Variants in GLDC observed in about 807,000 individuals in gnomAD.
The protein encoded by GLDC is glycine dehydrogenase (decarboxylating), mitochondrial.
In GLDC, 104 loss-of-function variants were observed where a neutral mutation model predicts 121.3. That is an observed-to-expected ratio of 0.86 (90% CI 0.73 to 1.01). The LOEUF (loss-of-function observed/expected upper bound fraction) is 1.01, where lower values mean the gene tolerates loss of function less well. GLDC is among the 50% of genes least tolerant of loss of function. The probability of loss-of-function intolerance (pLI) is 0.00; values close to 1 mark genes in which losing one functional copy is unlikely to be tolerated. For synonymous variants in GLDC, 546 were observed against 480.6 expected, an observed-to-expected ratio of 1.14 and a Z score of -1.78; for missense variants, 1,429 against 1,306.6, an observed-to-expected ratio of 1.09 and a Z score of -1.44.
At chr9:6,584,660 G>T (rs1224368389) in intron 15 of GLDC, among the ~76,000 whole-genome samples, 4 of 152,188 alleles carry the variant, frequency 2.6e-5, no homozygotes, top group Non-Finnish European at 5.9e-5. Context: ...TCTCAACAAA[G>T]AATAAGGCAT....
At chr9:6,583,809 G>C (rs1399707210) in intron 15 of GLDC, among the ~76,000 whole-genome samples, 1 of 152,214 alleles carries the variant, frequency 6.6e-6, no homozygotes, top group African/African-American at 2.4e-5. Flanking sequence ...GGTTCCTAAA[G>C]TAGTCAAATT....
At chr9:6,548,578 A>G (rs1054253271) in intron 21 of GLDC, among the ~76,000 whole-genome samples, 4 of 152,210 alleles carry the variant, frequency 2.6e-5, no homozygotes, top group African/African-American at 4.8e-5. Context: ...TTTATAAGGT[A>G]AGACCAGCCA....
chr9:6,640,562 G>T (rs73639340), intron 2 of GLDC, among the ~76,000 whole-genome samples: 365 of 152,348 alleles, frequency 2.4e-3, no homozygotes, highest in African/African-American at 8.5e-3. Flanking sequence ...GGAACATTCA[G>T]CTGGCACAAG....
chr9:6,598,130 G>C (rs1818527614), intron 8 of GLDC, among the ~76,000 whole-genome samples: 1 of 152,186 alleles, frequency 6.6e-6, no homozygotes, highest in African/African-American at 2.4e-5. Context: ...CCCAGCTCAA[G>C]CACTCCTACC....
chr9:6,585,832 C>T (rs1335944876), intron 15 of GLDC, among the ~76,000 whole-genome samples: 1 of 148,092 alleles, frequency 6.8e-6, no homozygotes, highest in Non-Finnish European at 1.5e-5. Flanking sequence ...TATCATTCAT[C>T]TATGTATGTA....
chr9:6,544,505 G>A (rs1247664518), intron 21 of GLDC, among the ~76,000 whole-genome samples: 2 of 152,156 alleles, frequency 1.3e-5, no homozygotes, highest in African/African-American at 2.4e-5. Flanking sequence ...TCAGCCGAGT[G>A]CAGTGGCGGG....
At chr9:6,564,583 G>T (rs995935820) in intron 16 of GLDC, among the ~76,000 whole-genome samples, 10 of 152,176 alleles carry the variant, frequency 6.6e-5, no homozygotes, top group Admixed American at 2.0e-4. Context: ...CGGCTCCTAG[G>T]CGATGCTCCT....
At chr9:6,606,272 T>A in intron 5 of GLDC, 3 of 338,652 alleles carry the variant, frequency 8.9e-6, no homozygotes, top group South Asian at 7.6e-5. Context: ...TTCCCTCAAC[T>A]GCACTCCAGC....
intron 15 of GLDC, chr9:6,585,002 G>A (rs2129823445): frequency 6.6e-6 from 1 of 152,342 alleles, no homozygotes; most frequent in South Asian, 2.1e-4. Flanking sequence ...CTTGGCTGCA[G>A]TTGGAATCAT....
intron 15 of GLDC, among the ~76,000 whole-genome samples, chr9:6,573,789 C>A (rs1818010435): frequency 6.6e-6 from 1 of 152,194 alleles, no homozygotes; most frequent in Admixed American, 6.5e-5. Flanking sequence ...AAATGACCCA[C>A]TTCAGTTCAT....
intron 1 of GLDC, 143 bp downstream of exon 1, chr9:6,645,102 T>G: frequency 1.3e-6 from 1 of 778,172 alleles, no homozygotes; most frequent in Non-Finnish European, 2.0e-6. Flanking sequence ...GGCACGAATT[T>G]GCTTCCACGC....
chr9:6,604,630 C>T lies in GLDC; in HGVS notation c.1016G>A (p.Ser339Asn), dbSNP rs1343291893. 8 of 1,613,340 alleles carry T rather than the reference C, an allele frequency of 5.0e-6. 1 individual carries two copies. Among genetic ancestry groups the T allele is most frequent in the Middle Eastern group, 1.8e-4 (1 of 5,550 alleles). Residue 339 changes from serine to asparagine, a missense_variant, in exon 7 of 25, where the codon AGC (serine) becomes AAC (asparagine). By Grantham distance (46) the Ser-to-Asn change is conservative. Transcript: ENST00000321612. The stretch of plus-strand genomic sequence containing the variant: ...TCTTCCAGGCATCATTCTCACCAAG[C>T]TTTCTCGGACAGCAAAAAATGCTGC... The part of the protein sequence containing the change: ...PHAAFFAVRE[S>N]LVRMMPGRMV...
intron 2 of GLDC, among the ~76,000 whole-genome samples, chr9:6,634,384 C>T (rs1819456134): frequency 6.6e-6 from 1 of 151,852 alleles, no homozygotes; most frequent in Admixed American, 6.6e-5. Flanking sequence ...CAAAATGTAG[C>T]CGGGCATGGT....
chr9:6,574,236 G>A (rs758567886), intron 15 of GLDC, among the ~76,000 whole-genome samples: 5 of 152,068 alleles, frequency 3.3e-5, no homozygotes, highest in Admixed American at 2.0e-4. Flanking sequence ...CCAGAACTTC[G>A]GGAGGCAGAT....
At chr9:6,572,134 T>C (rs1817980789) in intron 15 of GLDC, among the ~76,000 whole-genome samples, 1 of 152,188 alleles carries the variant, frequency 6.6e-6, no homozygotes, top group African/African-American at 2.4e-5. Context: ...CTAGGGTAGA[T>C]TTGAAACCCA....
At chr9:6,551,770 G>A (rs1009894739) in intron 20 of GLDC, among the ~76,000 whole-genome samples, 5 of 152,132 alleles carry the variant, frequency 3.3e-5, no homozygotes, top group African/African-American at 4.8e-5. Context: ...AAATGAAGGC[G>A]TGGAAGGGGA....
In GLDC at chr9:6,533,172, A is replaced by C. The variant is rs200397751; in HGVS notation, c.2920-12T>G. The C allele has an allele frequency of 6.2e-7, 1 of 1,613,060 alleles. No individual in the cohort carries two copies. The highest frequency in any genetic ancestry group is 8.5e-7 in the Non-Finnish European group (1 of 1,179,026). The stretch of plus-strand genomic sequence containing the variant: ...GGTTTCACGAAGGGCTGCAAAGGAC[A>C]AAAGATGGAAATGCTGTGAGATGTT... On this transcript the variant is annotated splice_polypyrimidine_tract_variant and intron_variant, in intron 24 of 24. Coordinates refer to ENST00000321612, the MANE Select transcript of GLDC (RefSeq NM_000170.3).
chr9:6,565,687 C>T, intron 15 of GLDC: 1 of 603,120 alleles, frequency 1.7e-6, no homozygotes, highest in Non-Finnish European at 2.9e-6. Flanking sequence ...TATATCCTTG[C>T]TCAGGACCAC....
chr9:6,634,812 C>A (rs1327342057), intron 2 of GLDC, among the ~76,000 whole-genome samples: 2 of 152,096 alleles, frequency 1.3e-5, no homozygotes, highest in Non-Finnish European at 2.9e-5. Context: ...AGTTTGGAGG[C>A]TCCCCTTCCC....
Sources: gnomAD v4.1 joint callset for allele counts (sites outside exome capture counted in the v4.1 genomes callset) on GRCh38, gnomAD v4.1.1 for gene constraint, MANE v1.5 for transcripts, NCBI Gene and HGNC (gene_info 2026-07-23, HGNC 2026-07-21) for gene names.